PIK3R1: variants seen among roughly 807,000 people sequenced by gnomAD.
PIK3R1 encodes the protein phosphatidylinositol 3-kinase regulatory subunit alpha.
PIK3R1 carries 29 observed loss-of-function variants against 98.0 expected under a neutral mutation model. That is an observed-to-expected ratio of 0.30 (90% confidence interval 0.22 to 0.40). The LOEUF (loss-of-function observed/expected upper bound fraction) is 0.40, where lower values mean the gene tolerates loss of function less well. Among genes scored for constraint, PIK3R1 ranks in the 10% least tolerant of loss-of-function variants. The pLI, the probability that PIK3R1 is intolerant of heterozygous loss-of-function variation, is 1.00. For missense variants in PIK3R1, 596 were observed against 872.7 expected (o/e 0.68, Z 3.99); for synonymous variants, 282 against 311.8 (o/e 0.90, Z 1.01).
chr5:68,267,014 C>T (rs1009219822), intron 2 of PIK3R1, among the ~76,000 whole-genome samples: 3 of 152,184 alleles, frequency 2.0e-5, no homozygotes, highest in Non-Finnish European at 2.9e-5. Context: ...CTTAGCACAC[C>T]GAAAGACCAA....
chr5:68,229,997 T>A (rs747730356), intron 2 of PIK3R1, among the ~76,000 whole-genome samples: 2 of 152,232 alleles, frequency 1.3e-5, no homozygotes, highest in African/African-American at 2.4e-5. Context: ...TATTTTGTGC[T>A]GGAAAGCAAA....
At position 68,280,569 on chromosome 5, in the gene PIK3R1, C is replaced by G. The variant is rs1746792752; in HGVS notation, c.676C>G (p.Leu226Val). The G allele has an allele frequency of 1.2e-6, 2 of 1,611,884 alleles. No homozygotes were observed. Among genetic ancestry groups the G allele is most frequent in the South Asian group, 2.2e-5 (2 of 91,028 alleles). Reference protein sequence around the residue: ...SEEYIQLLKKLIRSPSIPHQY... With the variant: ...SEEYIQLLKKVIRSPSIPHQY... The stretch of plus-strand genomic sequence containing the variant: ...AGAATATATTCAGCTATTGAAGAAG[C>G]TTATTAGGTCGCCTAGCATACCTCA... Residue 226 changes from leucine (L) to valine (V), a missense_variant, in exon 6 of 16, where the codon CTT (leucine) becomes GTT (valine). Physicochemically the swap from Leu to Val is conservative, Grantham distance 32 (BLOSUM62 1). Coordinates refer to ENST00000521381, the MANE Select transcript of PIK3R1 (RefSeq NM_181523.3).
intron 2 of PIK3R1, among the ~76,000 whole-genome samples, chr5:68,253,246 G>T (rs1745386326): frequency 6.6e-6 from 1 of 152,080 alleles, no homozygotes; most frequent in African/African-American, 2.4e-5. Flanking sequence ...TTTGAGCTGT[G>T]GTTTACCAAT....
chr5:68,288,648 G>A (rs371277010), intron 7 of PIK3R1: 2 of 1,602,906 alleles, frequency 1.2e-6, no homozygotes, highest in African/African-American at 1.3e-5. Flanking sequence ...GGAGGTGCGG[G>A]GGCTTGGCCC....
intron 2 of PIK3R1, among the ~76,000 whole-genome samples, chr5:68,267,567 T>A (rs1247815703): frequency 1.3e-5 from 2 of 152,196 alleles, no homozygotes; most frequent in Non-Finnish European, 2.9e-5. Flanking sequence ...GAAAATAATG[T>A]AGTTATGGCT....
intron 2 of PIK3R1, among the ~76,000 whole-genome samples, chr5:68,249,915 T>C (rs1745239461): frequency 6.6e-6 from 1 of 152,180 alleles, no homozygotes; most frequent in South Asian, 2.1e-4. Flanking sequence ...TGAAGATAGT[T>C]CCCTGGCCAT....
intron 2 of PIK3R1, among the ~76,000 whole-genome samples, chr5:68,270,826 C>A (rs1412263735): frequency 6.6e-6 from 1 of 152,046 alleles, no homozygotes; most frequent in African/African-American, 2.4e-5. Context: ...AGAGAGGATA[C>A]TTTTGTGAGT....
intron 7 of PIK3R1, among the ~76,000 whole-genome samples, chr5:68,289,368 G>A (rs1307673636): frequency 2.0e-5 from 3 of 151,996 alleles, no homozygotes; most frequent in Non-Finnish European, 2.9e-5. Flanking sequence ...TAAACTAGAC[G>A]GGGGACGTCA....
chr5:68,267,001 T>C (rs1242550295), intron 2 of PIK3R1, among the ~76,000 whole-genome samples: 3 of 152,196 alleles, frequency 2.0e-5, no homozygotes, highest in Non-Finnish European at 1.5e-5. Flanking sequence ...GTATGAAATC[T>C]TTCTTAGCAC....
At chr5:68,287,852 A>G (rs967318510) in intron 7 of PIK3R1, among the ~76,000 whole-genome samples, 5 of 143,432 alleles carry the variant, frequency 3.5e-5, no homozygotes, top group African/African-American at 1.0e-4. Flanking sequence ...TAGTATGCAT[A>G]TGGTGTGGGG....
At chr5:68,229,407 A>C (rs1292430844) in intron 2 of PIK3R1, among the ~76,000 whole-genome samples, 1 of 152,170 alleles carries the variant, frequency 6.6e-6, no homozygotes, top group Middle Eastern at 3.2e-3. Context: ...TCTTACCATA[A>C]TTGAATTCTT....
intron 3 of PIK3R1, 134 bp downstream of exon 3, chr5:68,273,616 A>G: frequency 2.6e-6 from 2 of 781,866 alleles, no homozygotes; most frequent in South Asian, 3.1e-5. Flanking sequence ...TGGACACTCA[A>G]ACTGTTTGGG....
intron 11 of PIK3R1, 82 bp from the exon 12 acceptor site, chr5:68,294,454 G>A: frequency 9.8e-7 from 1 of 1,023,668 alleles, no homozygotes; most frequent in Non-Finnish European, 1.4e-6. Context: ...TAATAATACA[G>A]ATCAAATGTC....
chr5:68,296,123 A>T (rs185989956), intron 14 of PIK3R1, 48 bp from the exon 15 acceptor site: 2 of 1,577,934 alleles, frequency 1.3e-6, no homozygotes, highest in African/African-American at 2.7e-5. Context: ...AGGCAGGCTG[A>T]TGGCTCCTGC....
At chr5:68,266,458 C>T (rs962966773) in intron 2 of PIK3R1, among the ~76,000 whole-genome samples, 4 of 152,124 alleles carry the variant, frequency 2.6e-5, no homozygotes, top group African/African-American at 9.7e-5. Flanking sequence ...CAAAGTAGTT[C>T]ATAATGAGAG....
At chr5:68,271,329 G>T (rs1438408574) in intron 2 of PIK3R1, among the ~76,000 whole-genome samples, 3 of 152,220 alleles carry the variant, frequency 2.0e-5, no homozygotes, top group Non-Finnish European at 2.9e-5. Context: ...TTACAGTGAT[G>T]TTGCAGTAGG....
chr5:68,227,972 A>C (rs192134067), intron 2 of PIK3R1, among the ~76,000 whole-genome samples: 1 of 152,356 alleles, frequency 6.6e-6, no homozygotes, highest in East Asian at 1.9e-4. Flanking sequence ...ACACAGAGAC[A>C]AGCCTTATGC....
At chr5:68,218,952 A>G (rs1034701750) in intron 1 of PIK3R1, among the ~76,000 whole-genome samples, 4 of 152,288 alleles carry the variant, frequency 2.6e-5, no homozygotes, top group Admixed American at 1.3e-4. Flanking sequence ...GCATTTTCCC[A>G]TGCCTCCTTT....
chr5:68,273,612 C>G, intron 3 of PIK3R1, 130 bp downstream of exon 3: 2 of 798,058 alleles, frequency 2.5e-6, no homozygotes, highest in Non-Finnish European at 2.1e-6. Context: ...CTGCTGGACA[C>G]TCAAACTGTT....
Sources: gnomAD v4.1 joint callset for allele counts (sites outside exome capture counted in the v4.1 genomes callset) on GRCh38, gnomAD v4.1.1 for gene constraint, MANE v1.5 for transcripts, NCBI Gene and HGNC (gene_info 2026-07-23, HGNC 2026-07-21) for gene names.